CDH2: variants seen among roughly 807,000 people sequenced by gnomAD.
CDH2 encodes cadherin 2.
In CDH2, 17 loss-of-function variants were observed where a neutral mutation model predicts 92.0. The observed-to-expected ratio is 0.18, with a 90% CI of 0.13 to 0.28. CDH2 has a LOEUF of 0.28. CDH2 is among the 10% of genes least tolerant of loss of function. CDH2 has a pLI of 1.00. For synonymous variants in CDH2, 419 were observed against 415.9 expected, an observed-to-expected ratio of 1.01 and a Z score of -0.09; for missense variants, 862 against 1,133.1, an observed-to-expected ratio of 0.76 and a Z score of 3.44.
intron 2 of CDH2, among the ~76,000 whole-genome samples, chr18:28,075,102 G>T (rs2014693832): frequency 6.6e-6 from 1 of 152,038 alleles, no homozygotes; most frequent in Admixed American, 6.6e-5. Context: ...TTTTCTTTCA[G>T]CACCTTTATT....
At chr18:27,965,990 G>GA (rs373927434) in intron 14 of CDH2, among the ~76,000 whole-genome samples, 1,741 of 58,678 alleles carry the variant, frequency 0.03, 88 homozygotes, top group African/African-American at 0.059. Context: ...TGTCTAAAAG[G>GA]AAAAAAAAAA....
At chr18:28,129,869 A>C (rs2015738040) in intron 2 of CDH2, among the ~76,000 whole-genome samples, 1 of 152,194 alleles carries the variant, frequency 6.6e-6, no homozygotes, top group Non-Finnish European at 1.5e-5. Context: ...CAGTAAACAT[A>C]ATTTATAGAT....
intron 2 of CDH2, among the ~76,000 whole-genome samples, chr18:28,085,198 A>C (rs754336253): frequency 2.6e-5 from 4 of 151,992 alleles, no homozygotes; most frequent in African/African-American, 7.3e-5. Flanking sequence ...ACACAGCCAT[A>C]AACTTAAAAA....
chr18:27,940,116 C>A (rs906644640), intron 6 of CDH2, among the ~76,000 whole-genome samples: 5 of 152,204 alleles, frequency 3.3e-5, no homozygotes, highest in African/African-American at 1.2e-4. Flanking sequence ...CCCTTTCTTT[C>A]CACAAACATA....
chr18:28,132,614 C>T (rs993083698), intron 2 of CDH2, among the ~76,000 whole-genome samples: 1 of 152,158 alleles, frequency 6.6e-6, no homozygotes, highest in Admixed American at 6.5e-5. Flanking sequence ...GACTTTGATG[C>T]TTCATCCCTA....
At chr18:28,108,259 T>G (rs1030379953) in intron 2 of CDH2, among the ~76,000 whole-genome samples, 11 of 152,184 alleles carry the variant, frequency 7.2e-5, no homozygotes, top group Non-Finnish European at 1.6e-4. Context: ...TCTGAAAAAG[T>G]GTGGAAAACT....
intron 2 of CDH2, among the ~76,000 whole-genome samples, chr18:28,140,947 A>T (rs1379231675): frequency 6.6e-6 from 1 of 150,992 alleles, no homozygotes; most frequent in African/African-American, 2.4e-5. Flanking sequence ...ATCGTTAGTC[A>T]TTAATGCAAA....
chr18:28,175,137 G>GGTCAAAGAAT (rs1188923711), intron 1 of CDH2, among the ~76,000 whole-genome samples: 8 of 152,150 alleles, frequency 5.3e-5, no homozygotes, highest in Non-Finnish European at 4.4e-5. Flanking sequence ...CAAAGAATGA[G>GGTCAAAGAAT]GAGTGTGCGC....
At chr18:28,149,198 C>T (rs562690859) in intron 1 of CDH2, among the ~76,000 whole-genome samples, 22 of 152,252 alleles carry the variant, frequency 1.4e-4, no homozygotes, top group South Asian at 1.0e-3. Flanking sequence ...GGAAATATTA[C>T]GCCACATGAG....
intron 1 of CDH2, among the ~76,000 whole-genome samples, chr18:28,149,738 T>C (rs1245310171): frequency 6.6e-6 from 1 of 152,206 alleles, no homozygotes; most frequent in Non-Finnish European, 1.5e-5. Flanking sequence ...TCAGGAAAGA[T>C]TGTACAAGTG....
At chr18:27,990,416 C>A in intron 9 of CDH2, 66 bp from the exon 10 acceptor site, 1 of 1,435,632 alleles carries the variant, frequency 7.0e-7, no homozygotes, top group South Asian at 1.3e-5. Context: ...GTAGTTTATT[C>A]CTCTATCAAC....
chr18:27,992,971 T>C (rs2012470690), intron 8 of CDH2, 131 bp from the exon 9 acceptor site: 4 of 549,368 alleles, frequency 7.3e-6, no homozygotes. Context: ...AGGAGACTGA[T>C]AATGCAGGTA....
intron 2 of CDH2, among the ~76,000 whole-genome samples, chr18:28,044,439 C>T (rs1471774981): frequency 1.3e-5 from 2 of 152,104 alleles, no homozygotes; most frequent in African/African-American, 4.8e-5. Context: ...ACTATCACAC[C>T]CCCTCCCACT....
intron 2 of CDH2, chr18:28,036,406 T>A: frequency 1.2e-6 from 1 of 812,102 alleles, no homozygotes; most frequent in South Asian, 1.4e-5. Flanking sequence ...TCATTTTATG[T>A]TACTTTGTTT....
chr18:28,097,691 CAG>C (rs2015159492), intron 2 of CDH2, among the ~76,000 whole-genome samples: 1 of 152,092 alleles, frequency 6.6e-6, no homozygotes, highest in South Asian at 2.1e-4. Flanking sequence ...CATTTTTTAT[CAG>C]AGATTTGAGC....
At chr18:28,164,457 C>T (rs906700135) in intron 1 of CDH2, among the ~76,000 whole-genome samples, 2 of 152,170 alleles carry the variant, frequency 1.3e-5, no homozygotes, top group Non-Finnish European at 2.9e-5. Context: ...AAAGGCAATA[C>T]TTCCTGCATC....
intron 1 of CDH2, chr18:28,159,370 T>G (rs1399061832): frequency 1.3e-5 from 2 of 152,228 alleles, no homozygotes; most frequent in South Asian, 2.1e-4. Flanking sequence ...GACTTGCCAA[T>G]AGATGAAGGC....
intron 2 of CDH2, among the ~76,000 whole-genome samples, chr18:28,145,523 T>G (rs555246122): frequency 6.6e-6 from 1 of 152,072 alleles, no homozygotes; most frequent in Non-Finnish European, 1.5e-5. Flanking sequence ...TTGGCTTCAG[T>G]GTATAGCTAT....
intron 2 of CDH2, among the ~76,000 whole-genome samples, chr18:28,028,309 C>T (rs1161687384): frequency 2.0e-5 from 3 of 151,994 alleles, no homozygotes; most frequent in South Asian, 2.1e-4. Flanking sequence ...AACAAAAGTA[C>T]GTTACTGTTT....
Sources: allele counts gnomAD v4.1 joint callset (sites outside exome capture counted in the v4.1 genomes callset), GRCh38; gene constraint gnomAD v4.1.1; transcripts MANE v1.5; gene names NCBI Gene and HGNC (gene_info 2026-07-23, HGNC 2026-07-21).